The following KANK1 variants were observed in gnomAD, a reference collection of about 807,000 sequenced individuals.
KANK1 encodes KN motif and ankyrin repeat domain-containing protein 1.
A neutral mutation model predicts 106.2 loss-of-function variants in KANK1; 109 were observed. The observed-to-expected ratio is 1.03, with a 90% CI of 0.88 to 1.20. KANK1 has a LOEUF of 1.20. Among genes scored for constraint, KANK1 ranks in the 50% most tolerant of loss-of-function variants. The pLI is 0.00. For missense variants in KANK1, 2,399 were observed against 1,710.7 expected (o/e 1.40, Z -7.10); for synonymous variants, 873 against 652.2 (o/e 1.34, Z -5.16).
At chr9:533,227 G>A (rs982834817) in intron 1 of KANK1, among the ~76,000 whole-genome samples, 1 of 152,170 alleles carries the variant, frequency 6.6e-6, no homozygotes, top group African/African-American at 2.4e-5. Context: ...ATTTGGAGGG[G>A]TCATAGCTGT....
At chr9:727,382 C>T (rs1227823742) in intron 3 of KANK1, among the ~76,000 whole-genome samples, 1 of 151,782 alleles carries the variant, frequency 6.6e-6, no homozygotes, top group African/African-American at 2.4e-5. Context: ...GTGGGACGAT[C>T]TTGGCTCACT....
At chr9:515,389 G>A (rs577689360) in intron 1 of KANK1, among the ~76,000 whole-genome samples, 1 of 150,542 alleles carries the variant, frequency 6.6e-6, no homozygotes, top group East Asian at 1.9e-4. Context: ...AATTCATCTA[G>A]AGACATTGTA....
chr9:656,429 G>A (rs1024056487), intron 1 of KANK1, among the ~76,000 whole-genome samples: 1 of 152,198 alleles, frequency 6.6e-6, no homozygotes, highest in Non-Finnish European at 1.5e-5. Flanking sequence ...GGGTGGGGCT[G>A]AGCCAGTGGT....
intron 1 of KANK1, among the ~76,000 whole-genome samples, chr9:567,115 C>A (rs539200875): frequency 6.6e-6 from 1 of 152,256 alleles, no homozygotes; most frequent in South Asian, 2.1e-4. Flanking sequence ...TTCCCCATTG[C>A]TTGTTTTTGT....
chr9:523,615 C>T (rs745331686), intron 1 of KANK1, among the ~76,000 whole-genome samples: 3 of 151,688 alleles, frequency 2.0e-5, no homozygotes, highest in Middle Eastern at 3.2e-3. Flanking sequence ...CTCCTGTGCT[C>T]GCCCCCACCT....
At chr9:569,794 AG>A (rs1818714852) in intron 1 of KANK1, among the ~76,000 whole-genome samples, 1 of 151,690 alleles carries the variant, frequency 6.6e-6, no homozygotes, top group African/African-American at 2.4e-5. Flanking sequence ...TTATTAGTGA[AG>A]TATTTTGTAA....
At chr9:734,686 G>T in intron 6 of KANK1, 62 bp from the exon 7 acceptor site, 1 of 1,216,536 alleles carries the variant, frequency 8.2e-7, no homozygotes, top group Non-Finnish European at 1.2e-6. Context: ...TTAGATATTT[G>T]GGTTGAAATA....
In KANK1 at chr9:710,924, A is replaced by C; in HGVS notation, c.158A>C (p.Gln53Pro). The C allele has an allele frequency of 3.7e-6, 6 of 1,614,224 alleles. No individual in the cohort carries two copies. Among genetic ancestry groups the C allele is most frequent in the Non-Finnish European group, 4.2e-6 (5 of 1,180,038 alleles). Residue 53 changes from glutamine (Q) to proline (P), a missense_variant, in exon 3 of 12, where the codon CAG (glutamine) becomes CCG (proline). By Grantham distance (76) the Gln-to-Pro change is moderately conservative. Transcript: ENST00000382297. ...TTCCTCAAATATGTGGATGACATAC[A>C]GAAGGGAAATACCATCAAAAGACTG... The part of the protein sequence containing the change: ...LDFLKYVDDI[Q>P]KGNTIKRLNI...
At chr9:625,524 A>G (rs1377571825) in intron 1 of KANK1, among the ~76,000 whole-genome samples, 1 of 151,886 alleles carries the variant, frequency 6.6e-6, no homozygotes, top group Non-Finnish European at 1.5e-5. Context: ...GGGCCTTCTC[A>G]TAGTTATCCG....
intron 8 of KANK1, among the ~76,000 whole-genome samples, chr9:740,555 G>A (rs532094274): frequency 6.6e-5 from 10 of 152,250 alleles, no homozygotes; most frequent in Admixed American, 1.3e-4. Flanking sequence ...AACAAGATAC[G>A]CTGTGGAAGC....
intron 1 of KANK1, among the ~76,000 whole-genome samples, chr9:636,690 A>T (rs1477931701): frequency 6.6e-6 from 1 of 152,024 alleles, no homozygotes; most frequent in East Asian, 1.9e-4. Flanking sequence ...ACATAATGAA[A>T]CCCCATATCT....
intron 1 of KANK1, among the ~76,000 whole-genome samples, chr9:557,753 G>A (rs1008012609): frequency 2.6e-5 from 4 of 152,232 alleles, no homozygotes; most frequent in African/African-American, 9.6e-5. Flanking sequence ...TGTACGGCCA[G>A]GTGTGGTGGC....
intron 2 of KANK1, among the ~76,000 whole-genome samples, chr9:692,778 G>A (rs1444405113): frequency 2.0e-5 from 3 of 151,972 alleles, no homozygotes; most frequent in African/African-American, 7.2e-5. Context: ...ACTTTGGGAA[G>A]CCAAAGCTGG....
rs114432736 is a variant in KANK1, at chr9:575,352, C to G, written c.-84+70598C>G. On this transcript the variant is annotated intron_variant, in intron 1 of 11. Coordinates refer to ENST00000382297, the MANE Select transcript of KANK1 (RefSeq NM_015158.5). ...ACAAAAGCCACTATTCTTAGTACTT[C>G]ATGAGACTTCTGTTTTATATAATAG... Among the ~76,000 whole-genome samples, 1,062 of 152,262 alleles carry G rather than the reference C, an allele frequency of 7.0e-3. 17 individuals are homozygous for G. The highest frequency in any genetic ancestry group is 0.024 in the African/African-American group (1,004 of 41,554).
chr9:576,364 C>CT (rs1404307280), intron 1 of KANK1, among the ~76,000 whole-genome samples: 1 of 152,188 alleles, frequency 6.6e-6, no homozygotes, highest in African/African-American at 2.4e-5. Context: ...CATAGACAAC[C>CT]TTACTGGCCT....
chr9:656,460 C>G (rs1363922298), intron 1 of KANK1, among the ~76,000 whole-genome samples: 1 of 152,160 alleles, frequency 6.6e-6, no homozygotes, highest in Non-Finnish European at 1.5e-5. Context: ...GCCTCTACCT[C>G]ATGCTGACCA....
At chr9:524,004 T>TA (rs1026397119) in intron 1 of KANK1, among the ~76,000 whole-genome samples, 15 of 151,754 alleles carry the variant, frequency 9.9e-5, no homozygotes, top group African/African-American at 3.7e-4. Flanking sequence ...GACACTTAAA[T>TA]AGGTATTTGC....
intron 1 of KANK1, among the ~76,000 whole-genome samples, chr9:563,802 G>T (rs188002160): frequency 3.9e-5 from 6 of 152,256 alleles, no homozygotes; most frequent in African/African-American, 1.2e-4. Flanking sequence ...GTTCAGCCCG[G>T]ATAGTTTATT....
intron 1 of KANK1, among the ~76,000 whole-genome samples, chr9:635,834 C>T (rs779057110): frequency 4.6e-5 from 7 of 150,826 alleles, no homozygotes; most frequent in Non-Finnish European, 8.8e-5. Context: ...GAGTAGCTGG[C>T]GGTACAGGTG....
Sources: allele counts gnomAD v4.1 joint callset (sites outside exome capture counted in the v4.1 genomes callset), GRCh38; gene constraint gnomAD v4.1.1; transcripts MANE v1.5; gene names NCBI Gene and HGNC (gene_info 2026-07-23, HGNC 2026-07-21).